EVC: variants seen among roughly 807,000 people sequenced by gnomAD.
The protein encoded by EVC is evC complex member EVC.
EVC carries 116 observed loss-of-function variants against 118.9 expected under a neutral mutation model. The observed-to-expected ratio is 0.98, with a 90% CI of 0.84 to 1.14. The LOEUF (loss-of-function observed/expected upper bound fraction) is 1.14, where lower values mean the gene tolerates loss of function less well. EVC is among the 50% of genes most tolerant of loss of function. The probability of loss-of-function intolerance (pLI) is 0.00; values close to 1 mark genes in which losing one functional copy is unlikely to be tolerated. For missense variants in EVC, 1,401 were observed against 1,246.4 expected (o/e 1.12, Z -1.87); for synonymous variants, 619 against 534.7 (o/e 1.16, Z -2.18).
intron 9 of EVC, 110 bp from the exon 10 acceptor site, chr4:5,753,675 G>A (rs1431162761): frequency 7.0e-7 from 1 of 1,437,474 alleles, no homozygotes; most frequent in East Asian, 2.3e-5. Context: ...CACCATCTCT[G>A]CAGCCGACAC....
chr4:5,718,416 A>G (rs776739016), intron 1 of EVC, among the ~76,000 whole-genome samples: 3 of 152,154 alleles, frequency 2.0e-5, no homozygotes, highest in Non-Finnish European at 4.4e-5. Flanking sequence ...TCCAGAGGGC[A>G]TGTCATAGTT....
At chr4:5,777,073 CAT>C (rs1310720197) in intron 11 of EVC, among the ~76,000 whole-genome samples, 1 of 151,934 alleles carries the variant, frequency 6.6e-6, no homozygotes, top group Non-Finnish European at 1.5e-5. Context: ...CTTATCTCCT[CAT>C]GTGTCTGTTT....
At chr4:5,825,891 A>C in the EVC span, 1 of 510,294 alleles carries the variant, frequency 2.0e-6, no homozygotes, top group Non-Finnish European at 3.5e-6. This position sits in a 1 kb window ranked among gnomAD's most constrained non-coding sequence, Gnocchi z 4.4. Context: ...CCACATGCAT[A>C]CACATACAGA....
At chr4:5,825,743 A>G in the EVC span, 1 of 1,451,720 alleles carries the variant, frequency 6.9e-7, no homozygotes, top group Non-Finnish European at 9.4e-7. The surrounding 1 kb of genome is among the most constrained non-coding windows in gnomAD (Gnocchi z 4.4). Flanking sequence ...CCTGCGGGCG[A>G]GAGAGAAACC....
Position 5,794,307 on chromosome 4 carries a change from T to TTATATATGTA in EVC, c.1886+597_1886+598insGTATATATAT, listed in dbSNP as rs979704481. Among the ~76,000 whole-genome samples the TTATATATGTA allele has an allele frequency of 4.5e-3, 537 of 119,232 alleles. 7 individuals are homozygous for TTATATATGTA. The highest frequency in any genetic ancestry group is 0.017 in the African/African-American group (511 of 30,552). The allele number at this position is 119,232 out of a possible 152,430, so 78.2% of individuals were successfully genotyped here. ...TATATATTTTTATATATTTATATTT[T>TTATATATGTA]TATATATTTATATATATTTATATAT... On this transcript the variant is annotated intron_variant, in intron 13 of 20. Transcript: ENST00000264956.
downstream of EVC, among the ~76,000 whole-genome samples, chr4:5,814,521 A>G (rs1342096430): frequency 3.3e-5 from 5 of 152,020 alleles, no homozygotes; most frequent in Admixed American, 1.3e-4. Flanking sequence ...ATGTTCTCCA[A>G]CGCAAATCTG....
At chr4:5,733,174 A>G (rs1323924273) in intron 4 of EVC, among the ~76,000 whole-genome samples, 177 bp from the exon 5 acceptor site, 1 of 152,110 alleles carries the variant, frequency 6.6e-6, no homozygotes, top group Non-Finnish European at 1.5e-5. Context: ...GGTTTCAAAC[A>G]GCTCATTTGA....
chr4:5,802,443 C>G (rs1393563000), intron 16 of EVC, among the ~76,000 whole-genome samples: 2 of 151,998 alleles, frequency 1.3e-5, no homozygotes, highest in African/African-American at 2.4e-5. Flanking sequence ...TTTCCACAGA[C>G]CAGGGTGAGA....
intron 2 of EVC, among the ~76,000 whole-genome samples, chr4:5,720,079 A>T (rs1170079683): frequency 6.6e-6 from 1 of 152,138 alleles, no homozygotes. Context: ...CCCTTCCTCT[A>T]TCCACAGAAC....
chr4:5,798,357 C>T lies in EVC; in HGVS notation c.2098-229C>T, dbSNP rs78475125. Among the ~76,000 whole-genome samples the T allele has an allele frequency of 0.013, 1,990 of 152,318 alleles. 48 individuals are homozygous for T. Among genetic ancestry groups the T allele is most frequent in the African/African-American group, 0.044 (1,848 of 41,566 alleles). On this transcript the variant is annotated intron_variant, in intron 14 of 20. Transcript: ENST00000264956. The surrounding 1 kb of genome is among the most constrained non-coding windows in gnomAD (Gnocchi z 4.1). ...GAGGGGCCATAGATGGTACTGGGCACGCAGTTGATGCTCAATAAATGCCCT... is the reference window on the plus strand; with the variant it reads ...GAGGGGCCATAGATGGTACTGGGCATGCAGTTGATGCTCAATAAATGCCCT...
chr4:5,714,556 G>T (rs1047669148), intron 1 of EVC, among the ~76,000 whole-genome samples: 1 of 149,912 alleles, frequency 6.7e-6, no homozygotes, highest in Non-Finnish European at 1.5e-5. Flanking sequence ...TGGAAAGGAA[G>T]AGGACTTAGC....
intron 3 of EVC, among the ~76,000 whole-genome samples, chr4:5,729,992 G>T (rs1359086317): frequency 6.6e-6 from 1 of 152,120 alleles, no homozygotes; most frequent in Non-Finnish European, 1.5e-5. Flanking sequence ...GGTGCTTTGT[G>T]CAAAAAAGTT....
chr4:5,814,982 C>T (rs953214612), downstream of EVC, among the ~76,000 whole-genome samples: 1 of 152,130 alleles, frequency 6.6e-6, no homozygotes, highest in African/African-American at 2.4e-5. Context: ...CATCACTATA[C>T]ACAGAGGTGT....
At chr4:5,777,843 T>C (rs959612202) in intron 11 of EVC, among the ~76,000 whole-genome samples, 4 of 151,854 alleles carry the variant, frequency 2.6e-5, no homozygotes, top group Admixed American at 6.6e-5. Flanking sequence ...TTTTTTGTTG[T>C]TGTTGTTATT....
intron 1 of EVC, among the ~76,000 whole-genome samples, chr4:5,718,502 A>G (rs1374100721): frequency 2.6e-5 from 4 of 152,242 alleles, no homozygotes; most frequent in Admixed American, 2.6e-4. Context: ...AGTCACCGAG[A>G]AAAAGCACAG....
At chr4:5,728,550 T>C (rs561720948) in intron 2 of EVC, among the ~76,000 whole-genome samples, 4 of 152,308 alleles carry the variant, frequency 2.6e-5, no homozygotes, top group African/African-American at 9.6e-5. Context: ...CTTTTCCTAA[T>C]TGAATACCCT....
downstream of EVC, among the ~76,000 whole-genome samples, chr4:5,815,373 A>T (rs1362799119): frequency 6.6e-6 from 1 of 152,204 alleles, no homozygotes; most frequent in Non-Finnish European, 1.5e-5. Context: ...AAGCATTCCA[A>T]CGTAACGTGC....
intron 11 of EVC, among the ~76,000 whole-genome samples, chr4:5,771,110 T>C (rs1733882513): frequency 6.6e-6 from 1 of 152,142 alleles, no homozygotes; most frequent in Non-Finnish European, 1.5e-5. Flanking sequence ...CCACTATAAC[T>C]AATGACCACA....
intron 11 of EVC, among the ~76,000 whole-genome samples, chr4:5,770,158 A>G (rs894607945): frequency 2.0e-5 from 3 of 152,114 alleles, no homozygotes; most frequent in Non-Finnish European, 4.4e-5. Flanking sequence ...GACAAGGCAC[A>G]CAGAGTGTCA....
Sources: allele counts gnomAD v4.1 joint callset (sites outside exome capture counted in the v4.1 genomes callset), GRCh38; gene constraint gnomAD v4.1.1; non-coding constraint Gnocchi (gnomAD v3.1); transcripts MANE v1.5; gene names NCBI Gene and HGNC (gene_info 2026-07-23, HGNC 2026-07-21).